UTRN: variants seen among roughly 807,000 people sequenced by gnomAD.
UTRN encodes the protein utrophin.
In UTRN, 283 loss-of-function variants were observed where a neutral mutation model predicts 463.9. The ratio of observed to expected loss-of-function variants is 0.61; its 90% CI spans 0.55 to 0.67. The LOEUF is 0.67. UTRN is among the 30% of genes least tolerant of loss of function. UTRN has a pLI of 0.00. For synonymous variants in UTRN, 1,442 were observed against 1,431.5 expected (o/e 1.01, Z -0.17); for missense variants, 3,922 against 4,084.3 (o/e 0.96, Z 1.08).
chr6:144,685,880 G>C (rs1202386193), intron 52 of UTRN, among the ~76,000 whole-genome samples: 1 of 152,030 alleles, frequency 6.6e-6, no homozygotes, highest in Non-Finnish European at 1.5e-5. Context: ...CTGTGCAGAA[G>C]CATTTTAGTT....
chr6:144,322,946 A>C (rs1775758734), intron 2 of UTRN, among the ~76,000 whole-genome samples: 1 of 151,886 alleles, frequency 6.6e-6, no homozygotes, highest in South Asian at 2.1e-4. Flanking sequence ...CCGTCTCAAA[A>C]AAAAAAAAAA....
chr6:144,797,128 GGC>G (rs1562924128), intron 63 of UTRN, among the ~76,000 whole-genome samples: 1 of 151,778 alleles, frequency 6.6e-6, no homozygotes, highest in African/African-American at 2.4e-5. Flanking sequence ...CATTTATAAT[GGC>G]CTTCAAGTTT....
chr6:144,690,072 CTGT>C (rs1169896602), intron 52 of UTRN, among the ~76,000 whole-genome samples: 6 of 35,662 alleles, frequency 1.7e-4, no homozygotes, highest in African/African-American at 7.4e-4. Context: ...CCAAAAGTTT[CTGT>C]TTTTTTTTTT....
At chr6:144,583,730 G>A in intron 51 of UTRN, 2 of 443,166 alleles carry the variant, frequency 4.5e-6, no homozygotes. Flanking sequence ...TGTGAAAGCT[G>A]TTAAAGTGAA....
chr6:144,605,946 C>G (rs938248798), intron 51 of UTRN, among the ~76,000 whole-genome samples: 5 of 151,960 alleles, frequency 3.3e-5, no homozygotes, highest in Admixed American at 6.6e-5. Flanking sequence ...TTGTACCTGT[C>G]TTAGTGGCAT....
chr6:144,764,522 G>A (rs1212492687), intron 58 of UTRN, among the ~76,000 whole-genome samples: 1 of 152,096 alleles, frequency 6.6e-6, no homozygotes, highest in African/African-American at 2.4e-5. Flanking sequence ...TGGGCAATTT[G>A]ATTTTTAGGG....
chr6:144,667,362 A>C (rs1201821300), intron 51 of UTRN, among the ~76,000 whole-genome samples: 1 of 152,098 alleles, frequency 6.6e-6, no homozygotes, highest in African/African-American at 2.4e-5. Context: ...CCGGCCTTTT[A>C]CTTTTTGCTT....
Position 144,705,907 on chromosome 6 carries a change from A to G in UTRN, c.7809+5664A>G, listed in dbSNP as rs575069240. ...TATAAAATATATATAATTAACATTA[A>G]TTCATACTAATATAAATCTACATTA... On this transcript the variant is annotated intron_variant, in intron 53 of 74. Coordinates refer to ENST00000367545, the MANE Select transcript of UTRN (RefSeq NM_007124.3). Among the ~76,000 whole-genome samples the G allele has an allele frequency of 7.9e-4, 119 of 151,508 alleles. 1 individual carries two copies. The highest frequency in any genetic ancestry group is 2.4e-3 in the African/African-American group (99 of 41,422).
intron 2 of UTRN, among the ~76,000 whole-genome samples, chr6:144,366,268 G>T (rs187293844): frequency 1.3e-5 from 2 of 152,144 alleles, no homozygotes; most frequent in Non-Finnish European, 2.9e-5. Context: ...TTGATTTTAA[G>T]TTCTGGGGTA....
At chr6:144,403,038 C>T in intron 2 of UTRN, 85 bp from the exon 3 acceptor site, 1 of 1,255,960 alleles carries the variant, frequency 8.0e-7, no homozygotes, top group Non-Finnish European at 1.1e-6. Flanking sequence ...TTAAACTCTC[C>T]AGGATAGAGA....
intron 58 of UTRN, among the ~76,000 whole-genome samples, chr6:144,759,805 A>G (rs1257284278): frequency 1.3e-5 from 2 of 152,174 alleles, no homozygotes; most frequent in African/African-American, 4.8e-5. Flanking sequence ...CCTCCAGAGA[A>G]GGAATTCAGC....
intron 69 of UTRN, among the ~76,000 whole-genome samples, chr6:144,831,104 A>C (rs1003103889): frequency 6.6e-6 from 1 of 152,176 alleles, no homozygotes; most frequent in Non-Finnish European, 1.5e-5. Context: ...GCTAGAAAGG[A>C]AATAGATAAG....
intron 52 of UTRN, among the ~76,000 whole-genome samples, chr6:144,681,346 A>G (rs900847149): frequency 3.3e-5 from 5 of 152,196 alleles, no homozygotes; most frequent in Non-Finnish European, 7.3e-5. Flanking sequence ...ACTCTAATAC[A>G]TAAGGAATGG....
At chr6:144,390,811 T>C (rs971682867) in intron 2 of UTRN, among the ~76,000 whole-genome samples, 2 of 152,206 alleles carry the variant, frequency 1.3e-5, no homozygotes, top group Non-Finnish European at 2.9e-5. Flanking sequence ...GTACCTGATA[T>C]ATTAGTTATA....
intron 36 of UTRN, among the ~76,000 whole-genome samples, 173 bp downstream of exon 36, chr6:144,514,210 C>T (rs1795413720): frequency 6.6e-6 from 1 of 152,102 alleles, no homozygotes; most frequent in African/African-American, 2.4e-5. Flanking sequence ...AAGAGACGAA[C>T]TTGAAATTGA....
intron 51 of UTRN, among the ~76,000 whole-genome samples, chr6:144,590,843 T>TACACACAC (rs10531216): frequency 1.0e-4 from 15 of 146,014 alleles, no homozygotes; most frequent in South Asian, 2.2e-4. Context: ...TCTCTCAATC[T>TACACACAC]ACACACACAC....
intron 34 of UTRN, among the ~76,000 whole-genome samples, chr6:144,508,664 G>A (rs1794908656): frequency 6.6e-6 from 1 of 152,200 alleles, no homozygotes; most frequent in Admixed American, 6.5e-5. Flanking sequence ...GACTGGAGCT[G>A]TTCCTGTTTG....
intron 58 of UTRN, among the ~76,000 whole-genome samples, chr6:144,768,926 G>A (rs984492747): frequency 3.8e-5 from 5 of 132,210 alleles, no homozygotes; most frequent in African/African-American, 1.5e-4. Context: ...GTACTTAACT[G>A]TTAATTGCTA....
At chr6:144,754,191 A>T (rs968747437) in intron 56 of UTRN, among the ~76,000 whole-genome samples, 1 of 151,760 alleles carries the variant, frequency 6.6e-6, no homozygotes, top group African/African-American at 2.4e-5. Flanking sequence ...TCCCCATAAC[A>T]CTTTTTACCA....
Sources: allele counts gnomAD v4.1 joint callset (sites outside exome capture counted in the v4.1 genomes callset), GRCh38; gene constraint gnomAD v4.1.1; transcripts MANE v1.5; gene names NCBI Gene and HGNC (gene_info 2026-07-23, HGNC 2026-07-21).